MLLT10: variants seen among roughly 807,000 people sequenced by gnomAD.
MLLT10 encodes the protein protein AF-10.
In MLLT10, 30 loss-of-function variants were observed where a neutral mutation model predicts 129.1. That is an observed-to-expected ratio of 0.23 (90% CI 0.17 to 0.32). The LOEUF (loss-of-function observed/expected upper bound fraction) is 0.32. MLLT10 is among the 10% of genes least tolerant of loss of function. MLLT10 has a pLI of 1.00. For synonymous variants in MLLT10, 490 were observed against 446.4 expected (o/e 1.10, Z -1.23); for missense variants, 1,119 against 1,268.3 (o/e 0.88, Z 1.79).
intron 10 of MLLT10, 32 bp from the exon 11 acceptor site, chr10:21,673,318 C>CCATTT: frequency 3.3e-6 from 1 of 307,340 alleles, no homozygotes; most frequent in Non-Finnish European, 5.0e-6. Flanking sequence ...CACCCCCCAA[C>CCATTT]TTTTTTTTTT....
intron 4 of MLLT10, among the ~76,000 whole-genome samples, chr10:21,591,699 A>G (rs994640307): frequency 2.4e-4 from 36 of 151,118 alleles, no homozygotes; most frequent in Non-Finnish European, 4.6e-4. Flanking sequence ...TTATCAGTAA[A>G]TTCAGTCTCT....
At chr10:21,725,361 G>C (rs1476358484) in intron 14 of MLLT10, among the ~76,000 whole-genome samples, 2 of 152,226 alleles carry the variant, frequency 1.3e-5, no homozygotes, top group Admixed American at 6.5e-5. Context: ...GTATCAGCTA[G>C]ATATGTTGAA....
At chr10:21,606,398 G>A (rs907411229) in intron 5 of MLLT10, among the ~76,000 whole-genome samples, 5 of 152,204 alleles carry the variant, frequency 3.3e-5, no homozygotes, top group South Asian at 2.1e-4. Context: ...AACACCTTTC[G>A]AAAGGCTATG....
intron 8 of MLLT10, among the ~76,000 whole-genome samples, chr10:21,628,697 T>G (rs895135732): frequency 2.7e-5 from 4 of 149,994 alleles, no homozygotes; most frequent in Non-Finnish European, 1.5e-5. Context: ...TGCCTTGGCC[T>G]CCCAAAGTGC....
intron 8 of MLLT10, among the ~76,000 whole-genome samples, chr10:21,639,315 C>T (rs1042470184): frequency 6.6e-6 from 1 of 152,136 alleles, no homozygotes; most frequent in Non-Finnish European, 1.5e-5. Context: ...TCAGATTACA[C>T]AGGTTGGGAA....
chr10:21,629,197 C>T (rs2131260357), intron 8 of MLLT10, among the ~76,000 whole-genome samples: 1 of 152,108 alleles, frequency 6.6e-6, no homozygotes, highest in African/African-American at 2.4e-5. Context: ...TAAGAGCAAC[C>T]CAAAAGCTGC....
chr10:21,622,615 C>T (rs531610548), intron 8 of MLLT10, among the ~76,000 whole-genome samples: 1 of 152,076 alleles, frequency 6.6e-6, no homozygotes, highest in East Asian at 1.9e-4. Flanking sequence ...TGTAGAATGC[C>T]TTCTAATATT....
At chr10:21,699,328 A>T (rs967258057) in intron 13 of MLLT10, among the ~76,000 whole-genome samples, 1 of 148,976 alleles carries the variant, frequency 6.7e-6, no homozygotes, top group South Asian at 2.1e-4. Flanking sequence ...ATTTTCTCCT[A>T]TTCAACAGTT....
intron 13 of MLLT10, among the ~76,000 whole-genome samples, chr10:21,703,430 T>G (rs2055122663): frequency 6.6e-6 from 1 of 152,154 alleles, no homozygotes; most frequent in Non-Finnish European, 1.5e-5. Flanking sequence ...TAGAATTCTT[T>G]GTCTTTGTCT....
chr10:21,730,523 G>A (rs968828479), intron 16 of MLLT10, among the ~76,000 whole-genome samples: 1 of 152,112 alleles, frequency 6.6e-6, no homozygotes, highest in African/African-American at 2.4e-5. Context: ...TATCAAAGCA[G>A]AATGGTGAAA....
At chr10:21,610,984 CTTTTTT>C (rs71393913) in intron 5 of MLLT10, among the ~76,000 whole-genome samples, 3,430 of 102,886 alleles carry the variant, frequency 0.033, 156 homozygotes, top group African/African-American at 0.12. Flanking sequence ...TCTTTTTTCT[CTTTTTT>C]TTTTTTTTTT....
intron 13 of MLLT10, among the ~76,000 whole-genome samples, chr10:21,696,175 A>G (rs1310171055): frequency 6.6e-6 from 1 of 151,298 alleles, no homozygotes; most frequent in East Asian, 1.9e-4. Flanking sequence ...TTTATTGCTT[A>G]TTTTTTGAGT....
intron 13 of MLLT10, among the ~76,000 whole-genome samples, chr10:21,706,200 C>T (rs2055477392): frequency 6.6e-6 from 1 of 152,224 alleles, no homozygotes; most frequent in South Asian, 2.1e-4. Context: ...AAACCCCTCT[C>T]TCAATCCTAT....
At chr10:21,536,584 T>C (rs2034053086) in intron 2 of MLLT10, among the ~76,000 whole-genome samples, 1 of 152,222 alleles carries the variant, frequency 6.6e-6, no homozygotes, top group Admixed American at 6.5e-5. Flanking sequence ...TTACAAATTC[T>C]GTTTTTTTGA....
intron 3 of MLLT10, among the ~76,000 whole-genome samples, chr10:21,559,729 T>C (rs2038558505): frequency 6.6e-6 from 1 of 152,192 alleles, no homozygotes; most frequent in Non-Finnish European, 1.5e-5. Flanking sequence ...GTAGCTTATT[T>C]CACTTTGAAT....
chr10:21,713,392 T>C (rs2056282481), intron 13 of MLLT10, among the ~76,000 whole-genome samples: 1 of 152,238 alleles, frequency 6.6e-6, no homozygotes, highest in Non-Finnish European at 1.5e-5. Context: ...TCTGGGGCTT[T>C]AGCATTTGCC....
chr10:21,671,575 T>C (rs770746796), intron 10 of MLLT10, among the ~76,000 whole-genome samples: 1 of 152,058 alleles, frequency 6.6e-6, no homozygotes, highest in African/African-American at 2.4e-5. Flanking sequence ...CATCTGAGTT[T>C]AGGAGTTGGA....
chr10:21,610,070 C>T (rs578112601), intron 5 of MLLT10, among the ~76,000 whole-genome samples: 8 of 152,244 alleles, frequency 5.3e-5, no homozygotes, highest in South Asian at 4.2e-4. Flanking sequence ...GGGGATGGGA[C>T]GAGTAGCCTT....
At chr10:21,604,538 G>A (rs549322232) in intron 5 of MLLT10, among the ~76,000 whole-genome samples, 2 of 152,134 alleles carry the variant, frequency 1.3e-5, no homozygotes, top group East Asian at 1.9e-4. Context: ...GCAGTGAGCC[G>A]AGACTGTGCC....
Sources: gnomAD v4.1 joint callset for allele counts (sites outside exome capture counted in the v4.1 genomes callset) on GRCh38, gnomAD v4.1.1 for gene constraint, MANE v1.5 for transcripts, NCBI Gene and HGNC (gene_info 2026-07-23, HGNC 2026-07-21) for gene names.